The following PPP4R4 variants were observed in gnomAD, a reference collection of about 807,000 sequenced individuals.
PPP4R4 encodes the protein protein phosphatase 4 regulatory subunit 4.
Under a neutral mutation model 121.8 loss-of-function variants are expected in PPP4R4, and 70 were observed. The observed-to-expected ratio is 0.57, with a 90% CI of 0.47 to 0.70. The LOEUF (loss-of-function observed/expected upper bound fraction) is 0.70, where lower values mean the gene tolerates loss of function less well. PPP4R4 is among the 30% of genes least tolerant of loss of function. PPP4R4 has a pLI of 0.00. For synonymous variants in PPP4R4, 348 were observed against 355.7 expected (o/e 0.98, Z 0.24); for missense variants, 875 against 1,033.6 (o/e 0.85, Z 2.10).
intron 3 of PPP4R4, among the ~76,000 whole-genome samples, chr14:94,222,697 TA>T (rs1187653172): frequency 6.6e-6 from 1 of 152,096 alleles, no homozygotes; most frequent in East Asian, 1.9e-4. Context: ...TAGATGTTTT[TA>T]TTAGCATAGG....
At chr14:94,239,849 T>C (rs1326692375) in intron 8 of PPP4R4, among the ~76,000 whole-genome samples, 1 of 152,218 alleles carries the variant, frequency 6.6e-6, no homozygotes, top group African/African-American at 2.4e-5. Flanking sequence ...TCAGAGACCA[T>C]TTATTATTCA....
intron 2 of PPP4R4, among the ~76,000 whole-genome samples, chr14:94,202,348 G>A (rs1890235642): frequency 6.6e-6 from 1 of 152,152 alleles, no homozygotes; most frequent in African/African-American, 2.4e-5. Context: ...TGTAAGATCT[G>A]TTTGTTAAAA....
intron 2 of PPP4R4, among the ~76,000 whole-genome samples, chr14:94,191,995 C>T (rs1438637061): frequency 1.3e-5 from 2 of 151,778 alleles, no homozygotes; most frequent in Admixed American, 6.6e-5. Flanking sequence ...CATTTTTTTT[C>T]CTGAGCATCA....
At chr14:94,223,784 A>G (rs1891543216) in intron 3 of PPP4R4, among the ~76,000 whole-genome samples, 2 of 152,260 alleles carry the variant, frequency 1.3e-5, no homozygotes, top group East Asian at 1.9e-4. Context: ...CTTTCCTGTT[A>G]TTATTCCTTC....
chr14:94,277,308 A>G (rs1894697772), intron 24 of PPP4R4, among the ~76,000 whole-genome samples: 1 of 152,202 alleles, frequency 6.6e-6, no homozygotes, highest in Admixed American at 6.5e-5. Context: ...TCTCAAAAAA[A>G]AAGTCATGAA....
intron 3 of PPP4R4, among the ~76,000 whole-genome samples, chr14:94,210,223 A>G (rs1282681242): frequency 1.3e-5 from 2 of 151,572 alleles, no homozygotes; most frequent in East Asian, 3.9e-4. Context: ...AGTGTATAAT[A>G]CAAAGAATCA....
At chr14:94,206,407 C>T (rs1890462937) in intron 2 of PPP4R4, among the ~76,000 whole-genome samples, 1 of 151,952 alleles carries the variant, frequency 6.6e-6, no homozygotes, top group African/African-American at 2.4e-5. Flanking sequence ...TTTTTAAAAT[C>T]CACTCTGCCA....
chr14:94,261,943 G>A (rs1160479727), intron 19 of PPP4R4, among the ~76,000 whole-genome samples: 2 of 151,942 alleles, frequency 1.3e-5, no homozygotes. Flanking sequence ...CTTGGCTAAT[G>A]TTTTTGTTAA....
chr14:94,250,143 T>TA, intron 14 of PPP4R4, 29 bp from the exon 15 acceptor site: 1 of 1,434,254 alleles, frequency 7.0e-7, no homozygotes, highest in Non-Finnish European at 9.8e-7. Context: ...TAGCCTAGTG[T>TA]AACTGTCTGT....
intron 19 of PPP4R4, among the ~76,000 whole-genome samples, chr14:94,261,323 G>A (rs1326804125): frequency 1.3e-5 from 2 of 151,852 alleles, no homozygotes; most frequent in Non-Finnish European, 2.9e-5. Context: ...TATGTTTTTG[G>A]CATTATTATA....
intron 11 of PPP4R4, 111 bp downstream of exon 11, chr14:94,242,519 G>T: frequency 9.4e-7 from 1 of 1,058,758 alleles, no homozygotes; most frequent in Non-Finnish European, 1.3e-6. Flanking sequence ...TCTCTTTCAT[G>T]TTCTAGTCTT....
rs78370982 is a variant in PPP4R4 at position 94,247,379 on chromosome 14, G to A, written c.1611+840G>A. ...TCATCTGCTGGGCTGAAAACCCTGG[G>A]CTGCATGTGCCTACCTGGTTGTATA... is the stretch of plus-strand genomic sequence containing the variant. On this transcript the variant is annotated intron_variant, in intron 14 of 24. Transcript: ENST00000304338. Among the ~76,000 whole-genome samples the A allele has an allele frequency of 6.4e-3, 971 of 152,290 alleles. 10 individuals are homozygous for A. Among genetic ancestry groups the A allele is most frequent in the African/African-American group, 0.021 (866 of 41,546 alleles).
chr14:94,187,503 G>C (rs1889354847), intron 2 of PPP4R4, among the ~76,000 whole-genome samples: 1 of 151,992 alleles, frequency 6.6e-6, no homozygotes, highest in Non-Finnish European at 1.5e-5. Context: ...TCTTCCACCA[G>C]TGTCCCCTAA....
intron 9 of PPP4R4, 120 bp from the exon 10 acceptor site, chr14:94,241,668 T>C (rs1055511466): frequency 1.7e-5 from 12 of 709,690 alleles, no homozygotes; most frequent in African/African-American, 1.1e-4. Flanking sequence ...ATTTATAAAG[T>C]ATCTGTAACC....
chr14:94,250,160 T>TA lies in PPP4R4; in HGVS notation c.1612-11dup, dbSNP rs1893102134. ...GCCTAGTGTAACTGTCTGTCTTACT[T>TA]ACTTCTTCAAGAATGTTTTACCTGT... On this transcript the variant is annotated splice_polypyrimidine_tract_variant and intron_variant, in intron 14 of 24. Coordinates refer to ENST00000304338, the MANE Select transcript of PPP4R4 (RefSeq NM_058237.2). 8.3e-6 allele frequency: 13 copies of TA among 1,558,856 alleles called. No homozygotes were observed. The highest frequency in any genetic ancestry group is 9.7e-6 in the Non-Finnish European group (11 of 1,130,310).
At chr14:94,258,754 T>C (rs1893610073) in intron 17 of PPP4R4, 29 bp from the exon 18 acceptor site, 1 of 1,476,338 alleles carries the variant, frequency 6.8e-7, no homozygotes, top group Non-Finnish European at 9.4e-7. Flanking sequence ...TTAATTACTT[T>C]AGAATAATTT....
At chr14:94,251,661 C>A in intron 15 of PPP4R4, 88 bp from the exon 16 acceptor site, 1 of 1,069,914 alleles carries the variant, frequency 9.3e-7, no homozygotes. Flanking sequence ...TATGAAGAAA[C>A]TTCTTATGCA....
Position 94,174,330 on chromosome 14 carries a change from C to A in PPP4R4, c.-136C>A. The A allele has an allele frequency of 6.5e-6, 5 of 771,152 alleles. No individual in the cohort carries two copies. Among genetic ancestry groups the A allele is most frequent in the Non-Finnish European group, 1.7e-6 (1 of 571,920 alleles). 47.8% of individuals were successfully genotyped at this position (771,152 alleles called of 1,614,324 possible). The stretch of plus-strand genomic sequence containing the variant: ...CCTCGCCGGGCCGTGCTCTTGCTCC[C>A]GCCGCCTGGCAGCCTCACGCTCGGC... On this transcript the variant is annotated 5_prime_UTR_variant, in exon 1 of 25. Transcript: ENST00000304338.
At chr14:94,242,966 G>A (rs779499139) in intron 11 of PPP4R4, among the ~76,000 whole-genome samples, 1 of 152,150 alleles carries the variant, frequency 6.6e-6, no homozygotes. Flanking sequence ...AGAAGTGCAC[G>A]TATGCCGTGG....
Sources: allele counts gnomAD v4.1 joint callset (sites outside exome capture counted in the v4.1 genomes callset), GRCh38; gene constraint gnomAD v4.1.1; transcripts MANE v1.5; gene names NCBI Gene and HGNC (gene_info 2026-07-23, HGNC 2026-07-21).